ACKR5: variants seen among roughly 807,000 people sequenced by gnomAD.
ACKR5 encodes atypical chemokine receptor 5, also known as G protein-coupled receptor 182.
At chr12:56,995,491 CAT>C in the ACKR5 span, 5 of 1,614,174 alleles carry the variant, frequency 3.1e-6, no homozygotes, top group Non-Finnish European at 4.2e-6. This position sits in a 1 kb window ranked among gnomAD's most constrained non-coding sequence, Gnocchi z 4.7. Flanking sequence ...ACATCCTCAA[CAT>C]GGCCATCGCG....
chr12:56,996,609 T>C, the ACKR5 span: 2 of 570,482 alleles, frequency 3.5e-6, no homozygotes, highest in Non-Finnish European at 6.2e-6. Flanking sequence ...CTCAGTGTTG[T>C]ACTATTTGTC....
chr12:56,995,557 C>G, the ACKR5 span: 1 of 1,614,118 alleles, frequency 6.2e-7, no homozygotes, highest in Non-Finnish European at 8.5e-7. This position sits in a 1 kb window ranked among gnomAD's most constrained non-coding sequence, Gnocchi z 4.7. Flanking sequence ...TCACGCTGGA[C>G]TACACCTGGC....
the ACKR5 span, chr12:56,996,475 A>G: frequency 2.7e-6 from 4 of 1,505,542 alleles, no homozygotes; most frequent in East Asian, 6.8e-5. Context: ...AGGTGAGAGT[A>G]TAGGTGGGAG....
chr12:56,995,719 G>T, the ACKR5 span: 1 of 1,613,650 alleles, frequency 6.2e-7, no homozygotes, highest in African/African-American at 1.3e-5. The surrounding 1 kb of genome is among the most constrained non-coding windows in gnomAD (Gnocchi z 4.7). Flanking sequence ...ACCGAGTGCG[G>T]CGGGCCATGT....
the ACKR5 span, chr12:56,995,526 T>C: frequency 6.2e-7 from 1 of 1,614,202 alleles, no homozygotes; most frequent in South Asian, 1.1e-5. This position sits in a 1 kb window ranked among gnomAD's most constrained non-coding sequence, Gnocchi z 4.7. Context: ...GTCCTGTCTC[T>C]GCCCGTGTGG....
At chr12:56,996,069 A>G in the ACKR5 span, 1 of 1,612,642 alleles carries the variant, frequency 6.2e-7, no homozygotes, top group East Asian at 2.2e-5. Context: ...CATGGGACCC[A>G]CATCTCCCTC....
chr12:56,995,854 C>T, the ACKR5 span: 1 of 1,613,366 alleles, frequency 6.2e-7, no homozygotes, highest in South Asian at 1.1e-5. The surrounding 1 kb of genome is among the most constrained non-coding windows in gnomAD (Gnocchi z 4.7). Flanking sequence ...GCACCTGGGC[C>T]CTGGCGGTGG....
the ACKR5 span, chr12:56,997,399 A>T: frequency 6.6e-6 from 1 of 152,262 alleles, no homozygotes; most frequent in Non-Finnish European, 1.5e-5. Flanking sequence ...GCCACAGTGG[A>T]AACTTCTCAA....
At chr12:56,996,090 T>C in the ACKR5 span, 1 of 1,613,510 alleles carries the variant, frequency 6.2e-7, no homozygotes, top group Non-Finnish European at 8.5e-7. Flanking sequence ...CACTGCCACC[T>C]GGTCCACCTG....
the ACKR5 span, chr12:56,996,906 A>G: frequency 2.9e-4 from 45 of 156,534 alleles, no homozygotes; most frequent in South Asian, 7.9e-4. Context: ...CCAGAGGCCA[A>G]GGAACCAGGC....
the ACKR5 span, chr12:56,995,257 C>T: frequency 5.5e-5 from 89 of 1,613,674 alleles, no homozygotes; most frequent in South Asian, 7.4e-4. The surrounding 1 kb of genome is among the most constrained non-coding windows in gnomAD (Gnocchi z 4.7). Flanking sequence ...AGGGGGTCAC[C>T]GCAGTGCCTA....
At chr12:56,995,260 A>G in the ACKR5 span, 3 of 1,613,790 alleles carry the variant, frequency 1.9e-6, no homozygotes, top group Non-Finnish European at 2.5e-6. The surrounding 1 kb of genome is among the most constrained non-coding windows in gnomAD (Gnocchi z 4.7). Context: ...GGGTCACCGC[A>G]GTGCCTACCA....
At chr12:56,995,311 C>T in the ACKR5 span, 3 of 1,614,116 alleles carry the variant, frequency 1.9e-6, no homozygotes, top group African/African-American at 4.0e-5. This position sits in a 1 kb window ranked among gnomAD's most constrained non-coding sequence, Gnocchi z 4.7. Context: ...AGCTGCTTGA[C>T]CTCTTCAACC....
At chr12:56,995,971 G>A in the ACKR5 span, 24 of 1,611,408 alleles carry the variant, frequency 1.5e-5, no homozygotes, top group African/African-American at 3.1e-4. This position sits in a 1 kb window ranked among gnomAD's most constrained non-coding sequence, Gnocchi z 4.7. Context: ...CCAAGAGCCG[G>A]CGCCACTGCC....
the ACKR5 span, chr12:56,995,603 T>C: frequency 6.8e-6 from 11 of 1,614,168 alleles, no homozygotes; most frequent in Non-Finnish European, 9.3e-6. The surrounding 1 kb of genome is among the most constrained non-coding windows in gnomAD (Gnocchi z 4.7). Context: ...CACTCACTAC[T>C]TCTACTTTGT....
At chr12:56,996,560 GGAGA>G in the ACKR5 span, 131 of 737,422 alleles carry the variant, frequency 1.8e-4, no homozygotes, top group African/African-American at 2.1e-3. Flanking sequence ...ACTGAGGTGT[GGAGA>G]GAGAGACAGG....
the ACKR5 span, chr12:56,995,473 G>T: frequency 6.2e-7 from 1 of 1,614,186 alleles, no homozygotes; most frequent in East Asian, 2.2e-5. This position sits in a 1 kb window ranked among gnomAD's most constrained non-coding sequence, Gnocchi z 4.7. Context: ...CAGGGCTGAT[G>T]AACCTCTACA....
At chr12:56,997,743 T>C in the ACKR5 span, 1 of 152,248 alleles carries the variant, frequency 6.6e-6, no homozygotes, top group Admixed American at 6.5e-5. Flanking sequence ...CTGTCCTGCT[T>C]AAGTGCTCCA....
At chr12:56,996,329 GC>G in the ACKR5 span, 1 of 1,614,150 alleles carries the variant, frequency 6.2e-7, no homozygotes, top group Non-Finnish European at 8.5e-7. Flanking sequence ...TGCTGCAGCA[GC>G]CCCCCACCCT....
Sources: allele counts gnomAD v4.1 joint callset, GRCh38; gene constraint gnomAD v4.1.1; non-coding constraint Gnocchi (gnomAD v3.1); transcripts MANE v1.5; gene names NCBI Gene and HGNC (gene_info 2026-07-23, HGNC 2026-07-21).